Variants in LONRF2 observed in about 807,000 individuals in gnomAD.
LONRF2 encodes the protein LON peptidase N-terminal domain and ring finger 2.
Under a neutral mutation model 66.6 loss-of-function variants are expected in LONRF2, and 35 were observed. The ratio of observed to expected loss-of-function variants is 0.53; its 90% CI spans 0.40 to 0.70. LONRF2 has a LOEUF of 0.70. LONRF2 is among the 30% of genes least tolerant of loss of function. The probability of loss-of-function intolerance (pLI) is 0.00; values close to 1 mark genes in which losing one functional copy is unlikely to be tolerated. For synonymous variants in LONRF2, 417 were observed against 418.1 expected (o/e 1.00, Z 0.03); for missense variants, 902 against 1,002.1 (o/e 0.90, Z 1.35).
chr2:100,312,688 G>A (rs1157794843), intron 1 of LONRF2, among the ~76,000 whole-genome samples: 3 of 152,124 alleles, frequency 2.0e-5, no homozygotes, highest in Non-Finnish European at 2.9e-5. Context: ...TTCTCATCTC[G>A]ACACTGAATG....
At position 100,278,256 on chromosome 2, in the gene LONRF2, G is replaced by C. The variant is rs563345030; in HGVS notation, c.*6042C>G. On this transcript the variant is annotated 3_prime_UTR_variant, in exon 12 of 12. Transcript: ENST00000393437. ...TAGTCCCCTTTAAACATAAAAAGAGGGCTATGTCTTGCATTCTTGTATATA... is the reference window on the plus strand; with the variant it reads ...TAGTCCCCTTTAAACATAAAAAGAGCGCTATGTCTTGCATTCTTGTATATA... The C allele has an allele frequency of 3.4e-4, 51 of 152,142 alleles. No individual in the cohort carries two copies. Among genetic ancestry groups the C allele is most frequent in the African/African-American group, 1.2e-3 (49 of 41,480 alleles). The allele number at this position is 152,142 out of a possible 1,614,324, so 9.4% of individuals were successfully genotyped here.
chr2:100,302,631 T>G (rs1431540477), intron 3 of LONRF2, among the ~76,000 whole-genome samples: 1 of 152,208 alleles, frequency 6.6e-6, no homozygotes, highest in Non-Finnish European at 1.5e-5. Flanking sequence ...ATGAAGCTTC[T>G]ACACAAACTA....
intron 10 of LONRF2, among the ~76,000 whole-genome samples, chr2:100,289,290 A>T (rs543682430): frequency 6.6e-6 from 1 of 152,210 alleles, no homozygotes; most frequent in Non-Finnish European, 1.5e-5. Context: ...CAGAGACCAC[A>T]TGGCCTCTGG....
chr2:100,293,861 T>A (rs763279446), intron 9 of LONRF2, among the ~76,000 whole-genome samples: 22 of 152,156 alleles, frequency 1.4e-4, no homozygotes, highest in Non-Finnish European at 2.8e-4. Flanking sequence ...ATTACAAGCG[T>A]GAGCCACCAA....
At position 100,272,519 on chromosome 2, in the gene LONRF2, T is replaced by A. The variant is rs1015078068; in HGVS notation, c.*11779A>T. 1.4e-5 allele frequency among the ~76,000 whole-genome samples: 2 copies of A among 143,386 alleles called. No individual in the cohort carries two copies. Among genetic ancestry groups the A allele is most frequent in the Non-Finnish European group, 3.1e-5 (2 of 65,170 alleles). The allele number at this position is 143,386 out of a possible 152,430, so 94.1% of individuals were successfully genotyped here. On this transcript the variant is annotated 3_prime_UTR_variant, in exon 12 of 12. Transcript: ENST00000393437. ...GTCCCCCAAGAAGAAAATAAATAAA[T>A]AAATAAACAAACAAACTAACCAGAG...
chr2:100,275,187 G>A lies in LONRF2; in HGVS notation c.*9111C>T, dbSNP rs1674573464. On this transcript the variant is annotated 3_prime_UTR_variant, in exon 12 of 12. Transcript: ENST00000393437. ...GCAGACTAGGGTGATGTCAATCGCA[G>A]TCCCCTACACAGGACCTTCTGGGTA... is the stretch of plus-strand genomic sequence containing the variant. The A allele has an allele frequency of 6.6e-6, 1 of 152,280 alleles. No individual in the cohort carries two copies. Among genetic ancestry groups the A allele is most frequent in the Non-Finnish European group, 1.5e-5 (1 of 68,100 alleles). The allele number at this position is 152,280 out of a possible 1,614,324, so 9.4% of individuals were successfully genotyped here. A position where few individuals can be genotyped will look rare whatever the true frequency, so the allele number is the denominator to read the frequency against.
At chr2:100,302,892 T>C in intron 3 of LONRF2, 29 bp downstream of exon 3, 3 of 1,548,112 alleles carry the variant, frequency 1.9e-6, no homozygotes, top group Non-Finnish European at 2.6e-6. Flanking sequence ...TAAGACCTGA[T>C]AGAGAAAGTC....
chr2:100,305,711 A>C (rs1350952786), intron 2 of LONRF2, among the ~76,000 whole-genome samples: 1 of 152,150 alleles, frequency 6.6e-6, no homozygotes, highest in Non-Finnish European at 1.5e-5. Flanking sequence ...CTGAAGTCTC[A>C]AATACACTTC....
intron 1 of LONRF2, among the ~76,000 whole-genome samples, chr2:100,312,887 A>G (rs1309649612): frequency 1.3e-5 from 2 of 152,258 alleles, no homozygotes; most frequent in African/African-American, 2.4e-5. Context: ...GGAAGTGCAA[A>G]TTATTAAAAG....
chr2:100,319,423 C>A lies in LONRF2; in HGVS notation c.679+1992G>T, dbSNP rs113691449. ...GCAATGAACTATTGCAAAGTGAACA[C>A]ACTTGTGTATCCATCCCCTAAATCA... On this transcript the variant is annotated intron_variant, in intron 1 of 11. Coordinates refer to ENST00000393437, the MANE Select transcript of LONRF2 (RefSeq NM_198461.4). Among the ~76,000 whole-genome samples the A allele has an allele frequency of 7.0e-4, 107 of 152,194 alleles. 1 individual carries two copies. Among genetic ancestry groups the A allele is most frequent in the African/African-American group, 2.5e-3 (104 of 41,502 alleles).
intron 1 of LONRF2, among the ~76,000 whole-genome samples, chr2:100,310,633 G>A (rs978247287): frequency 1.3e-5 from 2 of 152,190 alleles, no homozygotes; most frequent in African/African-American, 4.8e-5. Flanking sequence ...AAAAGTAGAA[G>A]GGGAAAGAAA....
chr2:100,311,993 AT>A (rs957579474), intron 1 of LONRF2, among the ~76,000 whole-genome samples: 5 of 151,312 alleles, frequency 3.3e-5, no homozygotes, highest in East Asian at 3.9e-4. Flanking sequence ...TAGCCTACAC[AT>A]TTTTTTTTCT....
At chr2:100,292,442 A>G (rs1236594438) in intron 9 of LONRF2, among the ~76,000 whole-genome samples, 3 of 152,090 alleles carry the variant, frequency 2.0e-5, no homozygotes, top group Non-Finnish European at 4.4e-5. Flanking sequence ...ACACACTTTT[A>G]TGTCTCTTCC....
rs373553931 is a variant in LONRF2 at position 100,286,975 on chromosome 2, C to A, written c.2009G>T (p.Arg670Leu). The change falls in exon 11 of 12, where the codon CGC (arginine) becomes CTC (leucine). Residue 670 changes from arginine (R) to leucine (L), a missense_variant. Coordinates refer to ENST00000393437, the MANE Select transcript of LONRF2 (RefSeq NM_198461.4). Reference sequence around the variant, plus strand: ...ATGACTTAAAATTTGTTCTTTCATGCGATCCTGGAGAGACGCGAACCAGGA... The same window carrying A: ...ATGACTTAAAATTTGTTCTTTCATGAGATCCTGGAGAGACGCGAACCAGGA... ...SVSWFASLQD[R>L]MKEQILSHFG... 9.9e-6 allele frequency: 16 copies of A among 1,613,910 alleles called. No homozygotes were observed. The highest frequency in any genetic ancestry group is 1.0e-5 in the Non-Finnish European group (12 of 1,179,966).
At position 100,290,264 on chromosome 2, in the gene LONRF2, A is replaced by G. The variant is rs759669267; in HGVS notation, c.1914T>C (p.Asp638=). 6.2e-7 allele frequency: 1 copy of G among 1,612,448 alleles called. No homozygotes were observed. Residue 638 remains aspartate (D), a synonymous_variant, in exon 10 of 12, where the codon GAT becomes GAC. Transcript: ENST00000393437. ...YNTADIEYLE[D]EKVEGPEYEE... ...CCAGTATGATAAGCCTTACCTTTTC[A>G]TCTTCAAGATATTCAATGTCCGCTG...
chr2:100,277,521 T>C lies in LONRF2; in HGVS notation c.*6777A>G, dbSNP rs968766261. Reference sequence around the variant, plus strand: ...GGTCTCCCATGTCCTCAGTCCCTTGTGAGGTCATCCTCCCGCAGACCCCTT... The same window carrying C: ...GGTCTCCCATGTCCTCAGTCCCTTGCGAGGTCATCCTCCCGCAGACCCCTT... On this transcript the variant is annotated 3_prime_UTR_variant, in exon 12 of 12. Coordinates refer to ENST00000393437, the MANE Select transcript of LONRF2 (RefSeq NM_198461.4). The C allele has an allele frequency of 3.3e-5, 5 of 152,246 alleles. 1 individual carries two copies. The highest frequency in any genetic ancestry group is 3.3e-4 in the Admixed American group (5 of 15,280). The allele number at this position is 152,246 out of a possible 1,614,324, so 9.4% of individuals were successfully genotyped here. A position where few individuals can be genotyped will look rare whatever the true frequency, so the allele number is the denominator to read the frequency against.
intron 7 of LONRF2, among the ~76,000 whole-genome samples, 199 bp from the exon 8 acceptor site, chr2:100,295,752 C>T (rs1037655288): frequency 3.9e-5 from 6 of 151,990 alleles, no homozygotes; most frequent in Admixed American, 1.3e-4. Context: ...CAGGAGGAGG[C>T]GTTCACCTGG....
intron 9 of LONRF2, among the ~76,000 whole-genome samples, chr2:100,291,999 A>G (rs1054529590): frequency 2.0e-5 from 3 of 152,212 alleles, no homozygotes; most frequent in Non-Finnish European, 4.4e-5. Context: ...ATGAGAACTC[A>G]TGGCAGTGTG....
rs1049514449 is a variant in LONRF2 at position 100,275,765 on chromosome 2, T to G, written c.*8533A>C. ...ACCCCCCACCAGTGTGCCTGGGCAC[T>G]CTGAACACCCTGCCTGTCAACATGC... On this transcript the variant is annotated 3_prime_UTR_variant, in exon 12 of 12. Transcript: ENST00000393437. The G allele has an allele frequency of 6.6e-6, 1 of 152,088 alleles. No individual in the cohort carries two copies. 9.4% of individuals were successfully genotyped at this position (152,088 alleles called of 1,614,324 possible). A position where few individuals can be genotyped will look rare whatever the true frequency, so the allele number is the denominator to read the frequency against.
Sources: allele counts gnomAD v4.1 joint callset (sites outside exome capture counted in the v4.1 genomes callset), GRCh38; gene constraint gnomAD v4.1.1; transcripts MANE v1.5; gene names NCBI Gene and HGNC (gene_info 2026-07-23, HGNC 2026-07-21).